The following MYO1E variants were observed in gnomAD, a reference collection of about 807,000 sequenced individuals.
MYO1E encodes the protein unconventional myosin-Ie.
A neutral mutation model predicts 151.1 loss-of-function variants in MYO1E; 68 were observed. The ratio of observed to expected loss-of-function variants is 0.45; its 90% CI spans 0.37 to 0.55. The LOEUF (loss-of-function observed/expected upper bound fraction) is 0.55. MYO1E is among the 20% of genes least tolerant of loss of function. MYO1E has a pLI of 0.00. For missense variants in MYO1E, 1,363 were observed against 1,389.3 expected (o/e 0.98, Z 0.30); for synonymous variants, 601 against 501.7 (o/e 1.20, Z -2.64).
At chr15:59,215,182 T>A (rs558597469) in intron 10 of MYO1E, among the ~76,000 whole-genome samples, 2 of 152,324 alleles carry the variant, frequency 1.3e-5, no homozygotes, top group African/African-American at 4.8e-5. Context: ...CCCTTGTTCC[T>A]AGGCGCTTAT....
intron 16 of MYO1E, among the ~76,000 whole-genome samples, chr15:59,201,072 G>C (rs11631348): frequency 0.48 from 72,912 of 151,528 alleles, 19,578 homozygotes; most frequent in Non-Finnish European, 0.63. Flanking sequence ...GTATTTCTTA[G>C]AGTTACATGA....
chr15:59,353,047 T>C lies in MYO1E; in HGVS notation c.3+19451A>G, dbSNP rs2080832430. On this transcript the variant is annotated intron_variant, in intron 1 of 27. Transcript: ENST00000288235. ...TCTTTTCTAAGGAAGTCAGCACACC[T>C]AGATCTAGCCAACGGCAGTTGATTT... Among the ~76,000 whole-genome samples the C allele has an allele frequency of 2.0e-5, 3 of 152,252 alleles. 1 individual carries two copies. The South Asian group carries it at 6.2e-4, about 32-fold the overall frequency.
chr15:59,280,558 G>A (rs2080347342), intron 1 of MYO1E, among the ~76,000 whole-genome samples: 1 of 150,138 alleles, frequency 6.7e-6, no homozygotes, highest in African/African-American at 2.5e-5. Flanking sequence ...GGAGGCAGAG[G>A]TTGCAGTGAG....
intron 1 of MYO1E, among the ~76,000 whole-genome samples, chr15:59,340,091 G>A (rs1216201342): frequency 1.3e-5 from 2 of 152,146 alleles, no homozygotes; most frequent in East Asian, 3.9e-4. Flanking sequence ...CCTGACCTCA[G>A]GTGATCTGCC....
chr15:59,366,697 G>A (rs761410176), intron 1 of MYO1E, among the ~76,000 whole-genome samples: 7 of 152,022 alleles, frequency 4.6e-5, no homozygotes, highest in Non-Finnish European at 1.0e-4. Flanking sequence ...TCTCTTAAGT[G>A]TGGCTGTCCC....
At chr15:59,337,208 C>T (rs1188449041) in intron 1 of MYO1E, among the ~76,000 whole-genome samples, 2 of 152,128 alleles carry the variant, frequency 1.3e-5, no homozygotes, top group African/African-American at 4.8e-5. Context: ...ATTAAGATGA[C>T]AAGAGCCAGG....
At chr15:59,363,039 G>A (rs370097180) in intron 1 of MYO1E, among the ~76,000 whole-genome samples, 12 of 140,774 alleles carry the variant, frequency 8.5e-5, no homozygotes, top group African/African-American at 1.3e-4. Context: ...GCAGTGGCAC[G>A]ATCTCGGCTC....
At chr15:59,209,074 C>T (rs1239791420) in intron 13 of MYO1E, 3 of 598,646 alleles carry the variant, frequency 5.0e-6, no homozygotes, top group East Asian at 5.8e-5. Context: ...TGTTTAACTC[C>T]CTGAAGTTTT....
chr15:59,292,740 A>T (rs2080427090), intron 1 of MYO1E, among the ~76,000 whole-genome samples: 3 of 152,222 alleles, frequency 2.0e-5, no homozygotes, highest in African/African-American at 7.2e-5. Context: ...CTACAGCTAC[A>T]AACAAGACCG....
chr15:59,145,636 C>T (rs1467468340), intron 26 of MYO1E, among the ~76,000 whole-genome samples: 2 of 152,136 alleles, frequency 1.3e-5, no homozygotes, highest in African/African-American at 4.8e-5. Flanking sequence ...AAGTGATCCA[C>T]CCGCCTTGGC....
At position 59,163,314 on chromosome 15, in the gene MYO1E, A is replaced by T; in HGVS notation, c.2481-11T>A. ...TCATCCTGCATAGTACTGTAAAGAG[A>T]TTGGACAAACACACTTGGTGAAAGC... On this transcript the variant is annotated splice_polypyrimidine_tract_variant and intron_variant, in intron 22 of 27. Transcript: ENST00000288235. The T allele has an allele frequency of 3.7e-6, 6 of 1,612,178 alleles. No homozygotes were observed. Among genetic ancestry groups the T allele is most frequent in the Non-Finnish European group, 5.1e-6 (6 of 1,178,946 alleles).
chr15:59,205,498 G>A lies in MYO1E; in HGVS notation c.1531-13C>T. On this transcript the variant is annotated splice_polypyrimidine_tract_variant and intron_variant, in intron 14 of 27. Transcript: ENST00000288235. ...TGTCATAGGATACCTGGCCAAGAATGGAAAGAAATCGAATTTCATTGAACA... is the reference window on the plus strand; with the variant it reads ...TGTCATAGGATACCTGGCCAAGAATAGAAAGAAATCGAATTTCATTGAACA... The A allele has an allele frequency of 1.9e-6, 3 of 1,550,888 alleles. No homozygotes were observed. Among genetic ancestry groups the A allele is most frequent in the Non-Finnish European group, 2.6e-6 (3 of 1,136,964 alleles).
intron 22 of MYO1E, among the ~76,000 whole-genome samples, chr15:59,171,418 C>T (rs1382466337): frequency 6.6e-6 from 1 of 152,080 alleles, no homozygotes; most frequent in East Asian, 1.9e-4. Flanking sequence ...GAGCATCTCA[C>T]GATGACTCCA....
intron 16 of MYO1E, among the ~76,000 whole-genome samples, chr15:59,197,908 C>T (rs904371031): frequency 5.9e-5 from 9 of 152,206 alleles, no homozygotes; most frequent in Non-Finnish European, 1.0e-4. Context: ...GTTGTCCAGG[C>T]TGGAGTAGAG....
At chr15:59,140,944 G>A (rs1380869584) in intron 26 of MYO1E, among the ~76,000 whole-genome samples, 7 of 152,202 alleles carry the variant, frequency 4.6e-5, no homozygotes, top group African/African-American at 1.4e-4. Flanking sequence ...TTCTTAGTGT[G>A]ACATCATTCG....
At chr15:59,281,339 G>T (rs2080352320) in intron 1 of MYO1E, among the ~76,000 whole-genome samples, 1 of 149,668 alleles carries the variant, frequency 6.7e-6, no homozygotes, top group Non-Finnish European at 1.5e-5. Flanking sequence ...GTAATGGCAT[G>T]ATCTTGGCTC....
chr15:59,312,247 C>T (rs2080556975), intron 1 of MYO1E, among the ~76,000 whole-genome samples: 1 of 152,178 alleles, frequency 6.6e-6, no homozygotes, highest in Non-Finnish European at 1.5e-5. Flanking sequence ...ATGCATCAAT[C>T]TGAGCATACT....
At chr15:59,206,598 G>T in intron 14 of MYO1E, 1 of 265,090 alleles carries the variant, frequency 3.8e-6, no homozygotes, top group Non-Finnish European at 7.1e-6. Flanking sequence ...GTTAACAGAA[G>T]CATGTTTCCT....
chr15:59,150,606 A>G (rs1465795201), intron 26 of MYO1E, among the ~76,000 whole-genome samples: 2 of 152,174 alleles, frequency 1.3e-5, no homozygotes, highest in Non-Finnish European at 2.9e-5. Context: ...TGGGATTGTG[A>G]CTTAGTGATG....
Sources: allele counts gnomAD v4.1 joint callset (sites outside exome capture counted in the v4.1 genomes callset), GRCh38; gene constraint gnomAD v4.1.1; transcripts MANE v1.5; gene names NCBI Gene and HGNC (gene_info 2026-07-23, HGNC 2026-07-21).